The following POLA1 variants were observed in gnomAD, a reference collection of about 807,000 sequenced individuals.
The protein encoded by POLA1 is DNA polymerase alpha catalytic subunit.
Under a neutral mutation model 124.0 loss-of-function variants are expected in POLA1, and 15 were observed. That is an observed-to-expected ratio of 0.12 (90% CI 0.08 to 0.19). POLA1 has a LOEUF of 0.19. POLA1 is among the 10% of genes least tolerant of loss of function. The pLI is 1.00. For missense variants in POLA1, 886 were observed against 1,103.4 expected, an observed-to-expected ratio of 0.80 and a Z score of 2.79; for synonymous variants, 408 against 389.4, an observed-to-expected ratio of 1.05 and a Z score of -0.56.
Position 24,727,898 on chromosome X carries a change from A to G in POLA1, c.1648A>G (p.Met550Val). The G allele has an allele frequency of 1.7e-6, 2 of 1,210,661 alleles. No homozygotes were observed. Among genetic ancestry groups the G allele is most frequent in the East Asian group, 3.0e-5 (1 of 33,845 alleles). Residue 550 changes from methionine (M) to valine (V), a missense_variant, in exon 15 of 37, where the codon ATG becomes GTG. By Grantham distance (21) the Met-to-Val change is conservative. Around this residue, in one of 7 missense-constraint regions of POLA1, gnomAD observed 337 missense variants for 402.8 expected, o/e 0.84. Coordinates refer to ENST00000379068, the MANE Select transcript of POLA1 (RefSeq NM_001330360.2). ...ACCGCTTGTCGTGATGGCTTTCAGC[A>G]TGAAGACAATGCAGAATGCAAAGAA... ...PPPLVVMAFS[M>V]KTMQNAKNHQ... is the part of the protein sequence containing the mutation.
At position 24,882,035 on chromosome X, in the gene POLA1, A is replaced by G. The variant is rs752279318; in HGVS notation, c.4048-5971A>G. 2.7e-5 allele frequency among the ~76,000 whole-genome samples: 3 copies of G among 110,744 alleles called. No individual in the cohort carries two copies. The South Asian group carries it at 1.2e-3, about 43-fold the overall frequency. On this transcript the variant is annotated intron_variant, in intron 34 of 36. Transcript: ENST00000379068. Reference sequence around the variant, plus strand: ...GAGATGGGAGTGGAGAGCCCTTTGCATTGGATATAAGAGAGAACGGAGTCA... The same window carrying G: ...GAGATGGGAGTGGAGAGCCCTTTGCGTTGGATATAAGAGAGAACGGAGTCA...
chrX:24,923,856 A>G (rs2047653654), intron 35 of POLA1, among the ~76,000 whole-genome samples: 1 of 111,933 alleles, frequency 8.9e-6, no homozygotes, highest in Non-Finnish European at 1.9e-5. Context: ...TAACATAGAT[A>G]TTGCAAATAA....
chrX:24,821,152 C>T (rs2046081746), intron 30 of POLA1, among the ~76,000 whole-genome samples: 1 of 112,106 alleles, frequency 8.9e-6, no homozygotes, highest in Admixed American at 9.5e-5. Context: ...ATTAAGACTG[C>T]ATATAACACT....
intron 36 of POLA1, among the ~76,000 whole-genome samples, chrX:24,937,823 A>G (rs767675777): frequency 3.3e-4 from 37 of 112,611 alleles, no homozygotes; most frequent in African/African-American, 1.1e-3. Flanking sequence ...GCCTACTTCT[A>G]TTTTATTCAT....
chrX:24,918,207 CAA>C (rs764856044), intron 35 of POLA1, among the ~76,000 whole-genome samples: 25 of 82,383 alleles, frequency 3.0e-4, no homozygotes, highest in Admixed American at 2.7e-4. Context: ...CCATCACCAC[CAA>C]AAAAAAAAAA....
At chrX:24,935,246 G>A (rs2147221800) in intron 36 of POLA1, among the ~76,000 whole-genome samples, 1 of 112,423 alleles carries the variant, frequency 8.9e-6, no homozygotes, top group Non-Finnish European at 1.9e-5. Context: ...CCTACCTTCA[G>A]TATGAATTTT....
chrX:24,942,721 C>T (rs1000522377), intron 36 of POLA1, among the ~76,000 whole-genome samples: 24 of 111,920 alleles, frequency 2.1e-4, no homozygotes, highest in African/African-American at 6.2e-4. Context: ...GATAGGGTCT[C>T]GCTCTGTCAC....
chrX:24,718,595 G>A (rs1929999691), intron 10 of POLA1, among the ~76,000 whole-genome samples: 2 of 112,417 alleles, frequency 1.8e-5, no homozygotes, highest in Admixed American at 1.9e-4. Context: ...TAAGAGCAAT[G>A]GGGTGGCATT....
At chrX:24,800,137 C>T (rs750700997) in intron 26 of POLA1, among the ~76,000 whole-genome samples, 4 of 111,420 alleles carry the variant, frequency 3.6e-5, no homozygotes, top group Admixed American at 9.6e-5. Flanking sequence ...CTGAAAACAC[C>T]CACCTCAAAA....
intron 34 of POLA1, among the ~76,000 whole-genome samples, chrX:24,868,361 G>T (rs1294878750): frequency 2.7e-5 from 3 of 111,782 alleles, no homozygotes; most frequent in African/African-American, 9.8e-5. Context: ...TTTCAGACAG[G>T]ACTTACATAC....
At chrX:24,748,258 A>G in intron 24 of POLA1, 53 bp from the exon 25 acceptor site, 1 of 969,476 alleles carries the variant, frequency 1.0e-6, no homozygotes, top group Non-Finnish European at 1.4e-6. Flanking sequence ...ATTACTGTAG[A>G]AATTTATTTC....
At chrX:24,863,393 CTG>C (rs1221423852) in intron 34 of POLA1, among the ~76,000 whole-genome samples, 1 of 111,464 alleles carries the variant, frequency 9.0e-6, no homozygotes, top group African/African-American at 3.3e-5. Flanking sequence ...ACATTTGACT[CTG>C]TCTTGATATT....
At chrX:24,808,651 A>G (rs2045846735) in intron 26 of POLA1, among the ~76,000 whole-genome samples, 1 of 111,513 alleles carries the variant, frequency 9.0e-6, no homozygotes, top group Admixed American at 9.5e-5. Flanking sequence ...TAAGAACATA[A>G]TATTAATACA....
intron 26 of POLA1, among the ~76,000 whole-genome samples, chrX:24,775,514 C>T (rs1165421224): frequency 8.9e-6 from 1 of 112,087 alleles, no homozygotes; most frequent in Non-Finnish European, 1.9e-5. Context: ...CAGTGGTGTA[C>T]ACACGAGCAC....
chrX:24,792,635 G>A (rs1006756789), intron 26 of POLA1, among the ~76,000 whole-genome samples: 4 of 111,941 alleles, frequency 3.6e-5, no homozygotes, highest in African/African-American at 1.3e-4. Flanking sequence ...TTCTTTTACT[G>A]TTGATACTAT....
At chrX:24,744,360 A>G (rs1479963718) in intron 23 of POLA1, 2 of 258,564 alleles carry the variant, frequency 7.7e-6, no homozygotes, top group Non-Finnish European at 1.4e-5. Flanking sequence ...TCTACCACAC[A>G]GGGATTTAAG....
intron 36 of POLA1, among the ~76,000 whole-genome samples, chrX:24,943,959 CAA>C (rs1393919488): frequency 9.0e-6 from 1 of 111,672 alleles, no homozygotes; most frequent in African/African-American, 3.3e-5. Flanking sequence ...AATCTAAAGA[CAA>C]GAGACAATCA....
chrX:24,794,398 TGAG>T (rs762115023), intron 26 of POLA1, among the ~76,000 whole-genome samples: 1 of 112,315 alleles, frequency 8.9e-6, no homozygotes, highest in African/African-American at 3.2e-5. Context: ...GTTTTGGGGT[TGAG>T]GAGAGCTGTT....
At position 24,750,595 on chromosome X, in the gene POLA1, A is replaced by T. The variant is rs779288290; in HGVS notation, c.2964+1603A>T. Among the ~76,000 whole-genome samples the T allele has an allele frequency of 8.2e-4, 92 of 112,462 alleles. 2 individuals are homozygous for T. The Admixed American group carries it at 8.5e-3, about 10-fold the overall frequency. On this transcript the variant is annotated intron_variant, in intron 26 of 36. Coordinates refer to ENST00000379068, the MANE Select transcript of POLA1 (RefSeq NM_001330360.2). The stretch of plus-strand genomic sequence containing the variant: ...CACAGTGAGGAAGGGCAAAACATGT[A>T]TTGAACGCCAGTGATGTGATAGAAG...
Sources: allele counts gnomAD v4.1 joint callset (sites outside exome capture counted in the v4.1 genomes callset), GRCh38; gene constraint gnomAD v4.1.1; regional missense constraint gnomAD v4.1.1; transcripts MANE v1.5; gene names NCBI Gene and HGNC (gene_info 2026-07-23, HGNC 2026-07-21).